The following SRPK2 variants were observed in gnomAD, a reference collection of about 807,000 sequenced individuals.
SRPK2 encodes the protein SFRS protein kinase 2.
A neutral mutation model predicts 90.8 loss-of-function variants in SRPK2; 21 were observed. The observed-to-expected ratio is 0.23, with a 90% CI of 0.16 to 0.33. The LOEUF (loss-of-function observed/expected upper bound fraction) is 0.33, where lower values mean the gene tolerates loss of function less well. SRPK2 is among the 10% of genes least tolerant of loss of function. The pLI is 1.00. For missense variants in SRPK2, 620 were observed against 869.0 expected (o/e 0.71, Z 3.60); for synonymous variants, 288 against 311.1 (o/e 0.93, Z 0.78).
chr7:105,325,726 T>C (rs1480016686), intron 2 of SRPK2, among the ~76,000 whole-genome samples: 1 of 152,128 alleles, frequency 6.6e-6, no homozygotes, highest in Admixed American at 6.5e-5. Flanking sequence ...CAGTAGTGCC[T>C]ACCTGTAGTC....
chr7:105,243,586 G>A (rs1309652280), intron 2 of SRPK2, among the ~76,000 whole-genome samples: 4 of 134,814 alleles, frequency 3.0e-5, no homozygotes, highest in Non-Finnish European at 4.5e-5. Context: ...AGCCAAGACC[G>A]CACCATTGCA....
At chr7:105,341,464 G>A (rs1421712374) in intron 2 of SRPK2, among the ~76,000 whole-genome samples, 1 of 151,796 alleles carries the variant, frequency 6.6e-6, no homozygotes, top group Non-Finnish European at 1.5e-5. Flanking sequence ...CTTGAGGCCA[G>A]GAGTTTGGGA....
chr7:105,371,490 G>A (rs554274860), intron 2 of SRPK2, among the ~76,000 whole-genome samples: 4 of 149,114 alleles, frequency 2.7e-5, no homozygotes, highest in East Asian at 2.0e-4. Context: ...GGTGGCTCAC[G>A]TCTGTAATCC....
intron 2 of SRPK2, among the ~76,000 whole-genome samples, chr7:105,311,129 T>C (rs574174768): frequency 6.6e-6 from 1 of 152,118 alleles, no homozygotes; most frequent in African/African-American, 2.4e-5. Flanking sequence ...TGAAAAAAAA[T>C]ATCTGCACAT....
chr7:105,389,385 C>T (rs1409776129), upstream of SRPK2: 6 of 1,250,854 alleles, frequency 4.8e-6, no homozygotes, highest in Admixed American at 5.1e-5. Flanking sequence ...GCCGCTTCCT[C>T]CTCTCCGGCA....
At chr7:105,396,541 G>A (rs1307330307) in intron 1 of SRPK2, among the ~76,000 whole-genome samples, 1 of 151,900 alleles carries the variant, frequency 6.6e-6, no homozygotes, top group African/African-American at 2.4e-5. Flanking sequence ...TGAGGCAGGA[G>A]AATGGTGTGA....
chr7:105,343,224 A>G (rs1816035426), intron 2 of SRPK2, among the ~76,000 whole-genome samples: 2 of 152,186 alleles, frequency 1.3e-5, no homozygotes, highest in South Asian at 4.1e-4. Flanking sequence ...CTTGAGTCCA[A>G]GAATTTAAGA....
chr7:105,347,013 AAATT>A (rs1356307906), intron 2 of SRPK2, among the ~76,000 whole-genome samples: 1 of 151,998 alleles, frequency 6.6e-6, no homozygotes, highest in Non-Finnish European at 1.5e-5. Context: ...GGGAACCATA[AAATT>A]AATATAAATT....
chr7:105,199,954 G>C (rs1011588064), intron 3 of SRPK2, among the ~76,000 whole-genome samples: 1 of 150,422 alleles, frequency 6.6e-6, no homozygotes, highest in African/African-American at 2.4e-5. Flanking sequence ...CCAGGGCTGG[G>C]ATAGGAAAAA....
chr7:105,300,796 C>T (rs1240106767), intron 2 of SRPK2, among the ~76,000 whole-genome samples: 1 of 152,106 alleles, frequency 6.6e-6, no homozygotes, highest in African/African-American at 2.4e-5. Context: ...CAAAAAAATG[C>T]AAATCAAAAC....
At chr7:105,236,264 T>G (rs1382333692) in intron 2 of SRPK2, among the ~76,000 whole-genome samples, 1 of 152,214 alleles carries the variant, frequency 6.6e-6, no homozygotes, top group African/African-American at 2.4e-5. Flanking sequence ...CATTATAGGA[T>G]TTGTGGTTTT....
In SRPK2 at chr7:105,245,184, A is replaced by G. The variant is rs183608532; in HGVS notation, c.72-41399T>C. 3.9e-3 allele frequency among the ~76,000 whole-genome samples: 590 copies of G among 152,214 alleles called. 5 individuals carry two copies. Among genetic ancestry groups the G allele is most frequent in the African/African-American group, 0.013 (550 of 41,474 alleles). ...CGTGCTAGGCACCAGAAACGTGAAC[A>G]TGAGACAGTTAAAGCTCCTTGCGTC... is the stretch of plus-strand genomic sequence containing the variant. On this transcript the variant is annotated intron_variant, in intron 2 of 15. Coordinates refer to ENST00000393651, the MANE Select transcript of SRPK2 (RefSeq NM_182692.3).
chr7:105,293,282 G>GAA (rs559924466), intron 2 of SRPK2, among the ~76,000 whole-genome samples: 5 of 144,934 alleles, frequency 3.4e-5, no homozygotes, highest in Non-Finnish European at 7.6e-5. Flanking sequence ...CTCAAAAAAA[G>GAA]AAAAAAAAAA....
intron 3 of SRPK2, among the ~76,000 whole-genome samples, chr7:105,186,539 C>T (rs1390454817): frequency 6.6e-6 from 1 of 152,204 alleles, no homozygotes; most frequent in Non-Finnish European, 1.5e-5. Context: ...TTCTCTATGG[C>T]TGCTTTATTG....
chr7:105,176,688 T>TG lies in SRPK2; in HGVS notation c.230-7424dup, dbSNP rs1324502941. On this transcript the variant is annotated intron_variant, in intron 3 of 15. Coordinates refer to ENST00000393651, the MANE Select transcript of SRPK2 (RefSeq NM_182692.3). ...ATATATAGATGTATGCATGTGTGTG[T>TG]GTACATATATATGTATGTGTATGTG... Among the ~76,000 whole-genome samples, 4 of 104,102 alleles carry TG rather than the reference T, an allele frequency of 3.8e-5. No individual in the cohort carries two copies. The East Asian group carries it at 6.6e-4, about 17-fold the overall frequency. 68.3% of individuals were successfully genotyped at this position (104,102 alleles called of 152,430 possible). A position where few individuals can be genotyped will look rare whatever the true frequency, so the allele number is the denominator to read the frequency against.
At chr7:105,220,089 G>A (rs935758538) in intron 2 of SRPK2, among the ~76,000 whole-genome samples, 1 of 152,062 alleles carries the variant, frequency 6.6e-6, no homozygotes, top group Non-Finnish European at 1.5e-5. Flanking sequence ...AATGAAATAC[G>A]GTTTAATCAA....
chr7:105,218,800 G>C (rs774783198), intron 2 of SRPK2, among the ~76,000 whole-genome samples: 1 of 151,868 alleles, frequency 6.6e-6, no homozygotes. Flanking sequence ...GCATGACTGG[G>C]GACTGAGTGA....
intron 2 of SRPK2, among the ~76,000 whole-genome samples, chr7:105,226,493 G>A (rs1158716768): frequency 6.6e-6 from 1 of 151,986 alleles, no homozygotes; most frequent in Admixed American, 6.6e-5. Context: ...GTTTCACCAC[G>A]TTGGCCAGGC....
chr7:105,215,565 A>C (rs890609391), intron 2 of SRPK2, among the ~76,000 whole-genome samples: 7 of 152,230 alleles, frequency 4.6e-5, no homozygotes, highest in African/African-American at 1.7e-4. Context: ...CTTATAGCCT[A>C]AAGTAGAAAC....
Sources: gnomAD v4.1 joint callset for allele counts (sites outside exome capture counted in the v4.1 genomes callset) on GRCh38, gnomAD v4.1.1 for gene constraint, MANE v1.5 for transcripts, NCBI Gene and HGNC (gene_info 2026-07-23, HGNC 2026-07-21) for gene names.